The following HMGB3 variants were observed in gnomAD, a reference collection of about 807,000 sequenced individuals.
HMGB3 encodes the protein high mobility group box 3.
Under a neutral mutation model 12.9 loss-of-function variants are expected in HMGB3, and 1 was observed. That is an observed-to-expected ratio of 0.08 (90% CI 0.03 to 0.37). The LOEUF (loss-of-function observed/expected upper bound fraction) is 0.37, where lower values mean the gene tolerates loss of function less well. Among genes scored for constraint, HMGB3 ranks in the 10% least tolerant of loss-of-function variants. The pLI, the probability that HMGB3 is intolerant of heterozygous loss-of-function variation, is 0.99. For missense variants in HMGB3, 74 were observed against 153.3 expected (o/e 0.48, Z 2.73); for synonymous variants, 61 against 53.9 (o/e 1.13, Z -0.57).
At position 150,990,046 on chromosome X, in the gene HMGB3, A is replaced by C. The variant is rs1030917361; in HGVS notation, c.*2132A>C. ...GTTCCAGAATTTCCCCTCCTGCTTCAGCCATGTCCTTGTCACTTGGCATTC... is the reference window on the plus strand; with the variant it reads ...GTTCCAGAATTTCCCCTCCTGCTTCCGCCATGTCCTTGTCACTTGGCATTC... On this transcript the variant is annotated 3_prime_UTR_variant, in exon 5 of 5. Coordinates refer to ENST00000325307, the MANE Select transcript of HMGB3 (RefSeq NM_005342.4). 2 of 112,393 alleles carry C rather than the reference A, an allele frequency of 1.8e-5. No homozygotes were observed. The highest frequency in any genetic ancestry group is 6.5e-5 in the African/African-American group (2 of 30,985). The allele number at this position is 112,393 out of a possible 1,213,427, so 9.3% of individuals were successfully genotyped here. A position where few individuals can be genotyped will look rare whatever the true frequency, so the allele number is the denominator to read the frequency against.
chrX:150,984,124 C>G (rs1229328224), intron 1 of HMGB3, among the ~76,000 whole-genome samples: 17 of 98,461 alleles, frequency 1.7e-4, no homozygotes, highest in South Asian at 9.1e-4. Context: ...GAGCGGTCGG[C>G]GGGGCGCCCG....
chrX:150,988,442 ACT>A lies in HMGB3; in HGVS notation c.*531_*532del, dbSNP rs1557425313. 9.0e-6 allele frequency: 1 copy of A among 111,546 alleles called. No individual in the cohort carries two copies. Among genetic ancestry groups the A allele is most frequent in the African/African-American group, 3.3e-5 (1 of 30,432 alleles). 9.2% of individuals were successfully genotyped at this position (111,546 alleles called of 1,213,427 possible). On this transcript the variant is annotated 3_prime_UTR_variant, in exon 5 of 5. Coordinates refer to ENST00000325307, the MANE Select transcript of HMGB3 (RefSeq NM_005342.4). ...GTGCACTGTGAGGCTGGACCTGTTG[ACT>A]CTGCAGGGGGCATCCATTTAGCTTC... is the stretch of plus-strand genomic sequence containing the variant.
chrX:150,987,884 AGAG>A lies in HMGB3; in HGVS notation c.594_596del (p.Glu198del), dbSNP rs782021512. ...AAGATGAAGAAGAGGAGGAGGAAGAAGAGGAGGAGGAGGAGGAGGAGGATGAAT... is the reference window on the plus strand; with the variant it reads ...AAGATGAAGAAGAGGAGGAGGAAGAAGAGGAGGAGGAGGAGGAGGATGAAT... On this transcript the variant is annotated inframe_deletion, in exon 5 of 5. Coordinates refer to ENST00000325307, the MANE Select transcript of HMGB3 (RefSeq NM_005342.4). 7.8e-4 allele frequency: 897 copies of A among 1,154,220 alleles called. No homozygotes were observed. The highest frequency in any genetic ancestry group is 1.7e-3 in the Middle Eastern group (6 of 3,624).
chrX:150,984,041 C>T (rs868936235), intron 1 of HMGB3, among the ~76,000 whole-genome samples: 151 of 101,609 alleles, frequency 1.5e-3, no homozygotes, highest in South Asian at 4.3e-3. Context: ...GCCTCCCGCC[C>T]GCCCGGCGCC....
Position 150,988,345 on chromosome X carries a change from A to C in HMGB3, c.*431A>C. On this transcript the variant is annotated 3_prime_UTR_variant, in exon 5 of 5. Coordinates refer to ENST00000325307, the MANE Select transcript of HMGB3 (RefSeq NM_005342.4). Reference sequence around the variant, plus strand: ...AAAAAGAACAAAACAACCGAGACAAACCCTTGATGCTCCTTGCTCGGCGTT... The same window carrying C: ...AAAAAGAACAAAACAACCGAGACAACCCCTTGATGCTCCTTGCTCGGCGTT... The C allele has an allele frequency of 8.6e-6, 1 of 116,857 alleles. No individual in the cohort carries two copies. The highest frequency in any genetic ancestry group is 1.8e-5 in the Non-Finnish European group (1 of 55,440). The allele number at this position is 116,857 out of a possible 1,213,427, so 9.6% of individuals were successfully genotyped here.
At chrX:150,983,915 C>T (rs1951058976) in intron 1 of HMGB3, among the ~76,000 whole-genome samples, 1 of 106,090 alleles carries the variant, frequency 9.4e-6, no homozygotes, top group Non-Finnish European at 2.0e-5. Context: ...AACTTCGCTC[C>T]CGGGCTTGGC....
chrX:150,987,851 G>A lies in HMGB3; in HGVS notation c.540G>A (p.Val180=). Residue 180 remains valine (V), a synonymous_variant, in exon 5 of 5, where the codon GTG becomes GTA. Coordinates refer to ENST00000325307, the MANE Select transcript of HMGB3 (RefSeq NM_005342.4). ...KGPAKVARKK[V]EEEDEEEEEE... is the part of the protein sequence containing the mutation. ...CTGCTAAAGTTGCCCGGAAAAAGGT[G>A]GAAGAGGAAGATGAAGAAGAGGAGG... 3 of 1,201,529 alleles carry A rather than the reference G, an allele frequency of 2.5e-6. No homozygotes were observed. The highest frequency in any genetic ancestry group is 3.4e-6 in the Non-Finnish European group (3 of 891,685).
At chrX:150,984,034 TCCCG>T (rs1336513065) in intron 1 of HMGB3, among the ~76,000 whole-genome samples, 1 of 97,376 alleles carries the variant, frequency 1.0e-5, no homozygotes, top group African/African-American at 3.7e-5. Flanking sequence ...CCCTCTCGCC[TCCCG>T]CCCGCCCGGC....
chrX:150,985,386 G>C, intron 1 of HMGB3: 1 of 344,103 alleles, frequency 2.9e-6, no homozygotes, highest in Non-Finnish European at 5.1e-6. Flanking sequence ...AGCGCGCTTC[G>C]TGCTGGTCAA....
rs2048095970 is a variant in HMGB3, at chrX:150,989,979, T to C, written c.*2065T>C. 1 of 111,660 alleles carries C rather than the reference T, an allele frequency of 9.0e-6. No individual in the cohort carries two copies. The highest frequency in any genetic ancestry group is 3.8e-4 in the South Asian group (1 of 2,635). 9.2% of individuals were successfully genotyped at this position (111,660 alleles called of 1,213,427 possible). On this transcript the variant is annotated 3_prime_UTR_variant, in exon 5 of 5. Coordinates refer to ENST00000325307, the MANE Select transcript of HMGB3 (RefSeq NM_005342.4). ...TCCTCTAGTTCTAGAAAATGACCAC[T>C]AATTTAAAAAACTCGGTTGTGAGGT...
chrX:150,985,836 TG>T, intron 2 of HMGB3, 87 bp downstream of exon 2: 1 of 895,292 alleles, frequency 1.1e-6, no homozygotes, highest in Admixed American at 2.9e-5. Context: ...CCCAGATAGC[TG>T]CTTGCTTCCT....
intron 1 of HMGB3, chrX:150,983,661 C>A: frequency 1.0e-5 from 7 of 685,556 alleles, no homozygotes; most frequent in Admixed American, 8.7e-5. Flanking sequence ...GGCGGACGCC[C>A]GCCCGTGGCG....
rs1244847351 is a variant in HMGB3 at position 150,987,209 on chromosome X, A to G, written c.372A>G (p.Ala124=). The G allele has an allele frequency of 1.7e-6, 2 of 1,209,605 alleles. No homozygotes were observed. Among genetic ancestry groups the G allele is most frequent in the Non-Finnish European group, 1.1e-6 (1 of 893,398 alleles). Residue 124 remains alanine (A), a synonymous_variant, in exon 4 of 5, where the codon GCA becomes GCG. Coordinates refer to ENST00000325307, the MANE Select transcript of HMGB3 (RefSeq NM_005342.4). ...CCGGCATCTCTATTGGAGACGTGGC[A>G]AAAAAGCTGGGTGAGATGTGGAATA... ...TNPGISIGDV[A]KKLGEMWNNL... is the part of the protein sequence containing the mutation.
chrX:150,988,921 A>G lies in HMGB3; in HGVS notation c.*1007A>G, dbSNP rs2048084304. Reference sequence around the variant, plus strand: ...TAGGGCTGAGATGAAGGAGAGGGCTACTTGAAGCTACTGTGTGATTTTGTT... The same window carrying G: ...TAGGGCTGAGATGAAGGAGAGGGCTGCTTGAAGCTACTGTGTGATTTTGTT... On this transcript the variant is annotated 3_prime_UTR_variant, in exon 5 of 5. Coordinates refer to ENST00000325307, the MANE Select transcript of HMGB3 (RefSeq NM_005342.4). 1 of 111,148 alleles carries G rather than the reference A, an allele frequency of 9.0e-6. No individual in the cohort carries two copies. The highest frequency in any genetic ancestry group is 1.9e-5 in the Non-Finnish European group (1 of 52,945). 9.2% of individuals were successfully genotyped at this position (111,148 alleles called of 1,213,427 possible).
At chrX:150,983,883 G>C (rs1233268082) in intron 1 of HMGB3, among the ~76,000 whole-genome samples, 2 of 106,361 alleles carry the variant, frequency 1.9e-5, no homozygotes, top group African/African-American at 6.7e-5. Context: ...GCTGGTGCCC[G>C]CCGGGGGCCG....
At chrX:150,984,708 C>G in intron 1 of HMGB3, 23 of 239,027 alleles carry the variant, frequency 9.6e-5, no homozygotes, top group Non-Finnish European at 1.4e-4. Context: ...CGCTCCCGGT[C>G]CCGCCCCGCC....
At chrX:150,982,581 C>T (rs782722041), upstream of HMGB3, among the ~76,000 whole-genome samples, 3 of 112,845 alleles carry the variant, frequency 2.7e-5, no homozygotes, top group Non-Finnish European at 5.6e-5. Context: ...CACAAAACTA[C>T]AATTTCTCAC....
intron 4 of HMGB3, 149 bp from the exon 5 acceptor site, chrX:150,987,628 A>G: frequency 2.0e-6 from 1 of 488,628 alleles, no homozygotes; most frequent in South Asian, 4.6e-5. Flanking sequence ...AACCAAATTC[A>G]TATATGGAAA....
At chrX:150,981,868 T>C (rs1418802739), upstream of HMGB3, among the ~76,000 whole-genome samples, 1 of 111,111 alleles carries the variant, frequency 9.0e-6, no homozygotes, top group Non-Finnish European at 1.9e-5. Context: ...AGAGGGGGCG[T>C]AGGGGTGAAG....
Sources: gnomAD v4.1 joint callset for allele counts (sites outside exome capture counted in the v4.1 genomes callset) on GRCh38, gnomAD v4.1.1 for gene constraint, MANE v1.5 for transcripts, NCBI Gene and HGNC (gene_info 2026-07-23, HGNC 2026-07-21) for gene names.